The following AKAP6 variants were observed in gnomAD, a reference collection of about 807,000 sequenced individuals.
The protein encoded by AKAP6 is A-kinase anchor protein 6.
AKAP6 carries 58 observed loss-of-function variants against 188.5 expected under a neutral mutation model. The observed-to-expected ratio is 0.31, with a 90% confidence interval of 0.25 to 0.38. AKAP6 has a LOEUF of 0.38. Ranked by LOEUF, AKAP6 falls within the 10% of genes least tolerant of loss-of-function variation. The probability of loss-of-function intolerance (pLI) is 1.00; values close to 1 mark genes in which losing one functional copy is unlikely to be tolerated. For missense variants in AKAP6, 2,710 were observed against 2,740.0 expected, an observed-to-expected ratio of 0.99 and a Z score of 0.24; for synonymous variants, 989 against 998.6, an observed-to-expected ratio of 0.99 and a Z score of 0.18.
intron 7 of AKAP6, among the ~76,000 whole-genome samples, chr14:32,659,624 T>C (rs537349094): frequency 4.6e-5 from 7 of 152,128 alleles, no homozygotes; most frequent in Non-Finnish European, 1.0e-4. Flanking sequence ...AAAGTCCCAA[T>C]AACAACCATT....
chr14:32,380,027 A>G (rs975727509), intron 1 of AKAP6, among the ~76,000 whole-genome samples: 2 of 152,172 alleles, frequency 1.3e-5, no homozygotes, highest in African/African-American at 4.8e-5. Flanking sequence ...TGTCTTTACA[A>G]TGTTGCAAAT....
chr14:32,454,651 CCCTCTCTCCT>C (rs1891061086), intron 2 of AKAP6, among the ~76,000 whole-genome samples: 1 of 77,566 alleles, frequency 1.3e-5, no homozygotes, highest in African/African-American at 1.8e-4. Context: ...CTCCCTCCTT[CCCTCTCTCCT>C]TCCCTCCTTC....
chr14:32,456,067 G>C lies in AKAP6; in HGVS notation c.324+22250G>C, dbSNP rs560221247. On this transcript the variant is annotated intron_variant, in intron 2 of 13. Coordinates refer to ENST00000280979, the MANE Select transcript of AKAP6 (RefSeq NM_004274.5). The stretch of plus-strand genomic sequence containing the variant: ...TTTCGGTGGTAGAGGAGCATATGTA[G>C]TAAAGGACAGATATATATGCATTTC... Among the ~76,000 whole-genome samples, 10 of 152,012 alleles carry C rather than the reference G, an allele frequency of 6.6e-5. No individual in the cohort carries two copies. The South Asian group carries it at 2.1e-3, about 32-fold the overall frequency.
chr14:32,413,276 A>G (rs2138655305), intron 1 of AKAP6, among the ~76,000 whole-genome samples: 1 of 150,088 alleles, frequency 6.7e-6, no homozygotes, highest in African/African-American at 2.5e-5. Flanking sequence ...TGACCTCTCA[A>G]GATCCAAGTG....
chr14:32,464,049 A>C (rs1240264999), intron 2 of AKAP6, among the ~76,000 whole-genome samples: 2 of 152,232 alleles, frequency 1.3e-5, no homozygotes, highest in Non-Finnish European at 2.9e-5. Context: ...ACGAGGAAGA[A>C]GTCAAATCCC....
At chr14:32,667,512 C>T (rs1448928624) in intron 7 of AKAP6, among the ~76,000 whole-genome samples, 1 of 151,776 alleles carries the variant, frequency 6.6e-6, no homozygotes, top group Non-Finnish European at 1.5e-5. Context: ...ATTCTAAATC[C>T]CCAAATACTA....
At chr14:32,813,389 A>AC (rs112729792) in intron 12 of AKAP6, among the ~76,000 whole-genome samples, 7,730 of 64,810 alleles carry the variant, frequency 0.12, 623 homozygotes, top group South Asian at 0.22. Flanking sequence ...CTCTAACCCT[A>AC]CCCCCCCCCC....
At chr14:32,708,107 G>A (rs1474958281) in intron 9 of AKAP6, among the ~76,000 whole-genome samples, 1 of 151,980 alleles carries the variant, frequency 6.6e-6, no homozygotes, top group Non-Finnish European at 1.5e-5. Context: ...TACATGTGAA[G>A]GTAACATGTG....
At chr14:32,492,083 C>T (rs751455684) in intron 2 of AKAP6, among the ~76,000 whole-genome samples, 9 of 151,952 alleles carry the variant, frequency 5.9e-5, no homozygotes, top group Non-Finnish European at 1.0e-4. Context: ...CTAAGCTCTT[C>T]TCTGTTATTC....
intron 2 of AKAP6, among the ~76,000 whole-genome samples, chr14:32,469,538 A>G (rs1341432832): frequency 6.6e-6 from 1 of 151,668 alleles, no homozygotes; most frequent in Non-Finnish European, 1.5e-5. Flanking sequence ...TAACTAAATC[A>G]TTATTTGAAT....
chr14:32,669,284 C>G (rs1221070523), intron 7 of AKAP6, among the ~76,000 whole-genome samples: 1 of 152,160 alleles, frequency 6.6e-6, no homozygotes, highest in African/African-American at 2.4e-5. Context: ...TGCTCTGATT[C>G]TGTAGAAGGA....
chr14:32,792,848 G>A (rs2033651835), intron 12 of AKAP6, among the ~76,000 whole-genome samples: 1 of 152,106 alleles, frequency 6.6e-6, no homozygotes, highest in African/African-American at 2.4e-5. Flanking sequence ...TTTATCGAAG[G>A]CCTTTTCTGC....
intron 1 of AKAP6, among the ~76,000 whole-genome samples, chr14:32,419,185 T>C (rs1354323068): frequency 6.6e-6 from 1 of 152,200 alleles, no homozygotes; most frequent in East Asian, 1.9e-4. Flanking sequence ...AGAAGACCTT[T>C]ATTATTCTTT....
intron 12 of AKAP6, among the ~76,000 whole-genome samples, chr14:32,802,197 T>C (rs1229576352): frequency 6.6e-6 from 1 of 152,226 alleles, no homozygotes; most frequent in East Asian, 1.9e-4. Context: ...TGGGAATTTT[T>C]TGTTTATTGT....
intron 1 of AKAP6, among the ~76,000 whole-genome samples, chr14:32,349,884 CA>C (rs553794412): frequency 4.9e-4 from 74 of 152,196 alleles, no homozygotes; most frequent in African/African-American, 1.7e-3. Context: ...GTTCAAAAAA[CA>C]AAAGGATGGA....
At chr14:32,535,474 A>C in intron 2 of AKAP6, 80 bp from the exon 3 acceptor site, 1 of 1,480,030 alleles carries the variant, frequency 6.8e-7, no homozygotes, top group Admixed American at 1.9e-5. Context: ...GTTAGGTAAG[A>C]GTGTACTTTT....
Position 32,563,127 on chromosome 14 carries a change from AAGATACATTCAT to A in AKAP6, c.2347-13990_2347-13979del, listed in dbSNP as rs1277534011. 3.3e-5 allele frequency among the ~76,000 whole-genome samples: 5 copies of A among 152,322 alleles called. No individual in the cohort carries two copies. In the East Asian group the frequency reaches 9.7e-4, roughly 29 times the overall value. The stretch of plus-strand genomic sequence containing the variant: ...TAGATGGAACTCCACAGTAAAGGAA[AAGATACATTCAT>A]AGTAAGAGATTTCTGGGGGAATGCA... On this transcript the variant is annotated intron_variant, in intron 4 of 13. Transcript: ENST00000280979.
intron 4 of AKAP6, among the ~76,000 whole-genome samples, chr14:32,553,490 G>A (rs1164782412): frequency 1.3e-5 from 2 of 151,946 alleles, no homozygotes; most frequent in Admixed American, 1.3e-4. Context: ...TTTATTCTTT[G>A]GGAAAATTGA....
chr14:32,585,820 T>A (rs1885211218), intron 5 of AKAP6, among the ~76,000 whole-genome samples: 1 of 151,892 alleles, frequency 6.6e-6, no homozygotes, highest in Admixed American at 6.6e-5. Context: ...GAAGGGAGGA[T>A]GGGAGATGGG....
Sources: gnomAD v4.1 joint callset for allele counts (sites outside exome capture counted in the v4.1 genomes callset) on GRCh38, gnomAD v4.1.1 for gene constraint, MANE v1.5 for transcripts, NCBI Gene and HGNC (gene_info 2026-07-23, HGNC 2026-07-21) for gene names.